The following VWA8 variants were observed in gnomAD, a reference collection of about 807,000 sequenced individuals.
The protein encoded by VWA8 is von Willebrand factor A domain-containing protein 8.
In VWA8, 221 loss-of-function variants were observed where a neutral mutation model predicts 241.5. The observed-to-expected ratio is 0.91, with a 90% CI of 0.82 to 1.02. The LOEUF (loss-of-function observed/expected upper bound fraction) is 1.02, where lower values mean the gene tolerates loss of function less well. VWA8 is among the 50% of genes least tolerant of loss of function. The pLI, the probability that VWA8 is intolerant of heterozygous loss-of-function variation, is 0.00. For synonymous variants in VWA8, 852 were observed against 827.1 expected, an observed-to-expected ratio of 1.03 and a Z score of -0.52; for missense variants, 2,322 against 2,328.7, an observed-to-expected ratio of 1.00 and a Z score of 0.06.
At chr13:41,688,651 T>G (rs911823251) in intron 34 of VWA8, among the ~76,000 whole-genome samples, 1 of 152,118 alleles carries the variant, frequency 6.6e-6, no homozygotes, top group African/African-American at 2.4e-5. Context: ...CAATGGAAAA[T>G]AAATCTATCT....
chr13:41,799,719 C>T (rs1466093141), intron 17 of VWA8, among the ~76,000 whole-genome samples: 2 of 152,124 alleles, frequency 1.3e-5, no homozygotes, highest in Non-Finnish European at 2.9e-5. Context: ...TATTATTCTC[C>T]TTATTCTGGT....
At chr13:41,747,551 C>G (rs1419015003) in intron 21 of VWA8, among the ~76,000 whole-genome samples, 1 of 152,160 alleles carries the variant, frequency 6.6e-6, no homozygotes, top group African/African-American at 2.4e-5. Flanking sequence ...CAAACAGGGA[C>G]AATTTGACTT....
At chr13:41,657,941 G>C (rs137864076) in intron 37 of VWA8, among the ~76,000 whole-genome samples, 43 of 152,318 alleles carry the variant, frequency 2.8e-4, no homozygotes, top group African/African-American at 1.0e-3. Context: ...AGAAAACCAG[G>C]AACACAGACA....
intron 17 of VWA8, among the ~76,000 whole-genome samples, chr13:41,808,404 T>C (rs143219073): frequency 1.3e-5 from 2 of 152,262 alleles, no homozygotes; most frequent in African/African-American, 4.8e-5. Context: ...CTTAAAATCA[T>C]GGCAGAAGGC....
At chr13:41,585,485 A>G (rs2044411263) in intron 42 of VWA8, among the ~76,000 whole-genome samples, 1 of 152,162 alleles carries the variant, frequency 6.6e-6, no homozygotes, top group African/African-American at 2.4e-5. Flanking sequence ...TAGAAATCCT[A>G]TTTCTAACAG....
intron 39 of VWA8, among the ~76,000 whole-genome samples, chr13:41,609,721 A>C (rs1450954884): frequency 6.6e-6 from 1 of 152,030 alleles, no homozygotes; most frequent in Non-Finnish European, 1.5e-5. Context: ...CAGGATCTCC[A>C]TGTGTTTCTA....
intron 38 of VWA8, among the ~76,000 whole-genome samples, chr13:41,612,853 G>A (rs1051926307): frequency 2.0e-5 from 3 of 152,098 alleles, no homozygotes; most frequent in Admixed American, 6.5e-5. Flanking sequence ...TTATCTTTGG[G>A]GAACTACTTA....
chr13:41,940,807 C>T (rs1877562312), intron 2 of VWA8, among the ~76,000 whole-genome samples: 1 of 152,114 alleles, frequency 6.6e-6, no homozygotes, highest in Non-Finnish European at 1.5e-5. Context: ...CAACAATTTA[C>T]TACTGGATAA....
At position 41,691,889 on chromosome 13, in the gene VWA8, A is replaced by G; in HGVS notation, c.3725T>C (p.Phe1242Ser). The change falls in exon 31 of 45, where the codon TTC (phenylalanine) becomes TCC (serine). Residue 1242 changes from phenylalanine to serine, a missense_variant. Transcript: ENST00000379310. ...AAGAGCTCACCCTTTTTCTTTGTAG[A>G]ACACCAGCCAGTTTTTGTGTGAAAA... ...KEFSHKNWLV[F>S]YKEKGNSLTV... 1.2e-6 allele frequency: 2 copies of G among 1,610,676 alleles called. No individual in the cohort carries two copies. Among genetic ancestry groups the G allele is most frequent in the Non-Finnish European group, 1.7e-6 (2 of 1,177,504 alleles).
intron 21 of VWA8, among the ~76,000 whole-genome samples, chr13:41,732,968 T>C (rs1007162207): frequency 1.3e-5 from 2 of 152,198 alleles, no homozygotes; most frequent in Middle Eastern, 3.2e-3. Flanking sequence ...TTATTTCCCA[T>C]AGAGAATTAG....
chr13:41,841,179 G>A (rs955450364), intron 12 of VWA8, among the ~76,000 whole-genome samples: 3 of 152,118 alleles, frequency 2.0e-5, no homozygotes, highest in African/African-American at 4.8e-5. Context: ...ATTCCCATAA[G>A]GAAAGAGCTG....
intron 37 of VWA8, among the ~76,000 whole-genome samples, chr13:41,665,942 T>A (rs2044983017): frequency 1.3e-5 from 2 of 152,112 alleles, no homozygotes; most frequent in South Asian, 4.1e-4. Flanking sequence ...CATTCTATAA[T>A]TTTCATAATT....
chr13:41,646,177 G>C lies in VWA8; in HGVS notation c.4611+24769C>G, dbSNP rs2044830973. ...GAAGGGGTTTCCCCATGTTGGTCAG[G>C]CTGGTCTAGAACTCCTGACCTCAAG... On this transcript the variant is annotated intron_variant, in intron 37 of 44. Coordinates refer to ENST00000379310, the MANE Select transcript of VWA8 (RefSeq NM_015058.2). Among the ~76,000 whole-genome samples the C allele has an allele frequency of 2.0e-5, 3 of 151,972 alleles. No individual in the cohort carries two copies. In the South Asian group the frequency reaches 6.2e-4, roughly 32 times the overall value.
chr13:41,816,698 C>G lies in VWA8; in HGVS notation c.1947G>C (p.Thr649=). The G allele has an allele frequency of 1.9e-6, 3 of 1,612,632 alleles. No homozygotes were observed. The highest frequency in any genetic ancestry group is 2.5e-6 in the Non-Finnish European group (3 of 1,179,220). Residue 649 remains threonine, a splice_region_variant and synonymous_variant, in exon 16 of 45, where the codon ACG becomes ACC. Transcript: ENST00000379310. ...THKLRETQDP[T]AQSLAASLST... is the part of the protein sequence containing the mutation. Reference sequence around the variant, plus strand: ...TCCTGTGGAAAAAGCCTAGACTTACCGTTGGATCCTGTGTTTCTCTGAGTT... The same window carrying G: ...TCCTGTGGAAAAAGCCTAGACTTACGGTTGGATCCTGTGTTTCTCTGAGTT...
chr13:41,592,926 TAAGA>T (rs2044465883), intron 40 of VWA8, among the ~76,000 whole-genome samples: 1 of 152,214 alleles, frequency 6.6e-6, no homozygotes, highest in Non-Finnish European at 1.5e-5. Context: ...TGGCATCAGC[TAAGA>T]AAGAGCCTGG....
intron 14 of VWA8, among the ~76,000 whole-genome samples, chr13:41,823,409 T>C (rs1015517102): frequency 7.9e-5 from 12 of 152,292 alleles, no homozygotes; most frequent in Middle Eastern, 3.4e-3. Flanking sequence ...AGGCCACTAA[T>C]CTTTATTGTT....
chr13:41,577,655 G>A (rs908969537), intron 42 of VWA8, among the ~76,000 whole-genome samples: 7 of 152,230 alleles, frequency 4.6e-5, no homozygotes, highest in African/African-American at 1.7e-4. Context: ...GTTCTCCTGA[G>A]AAAGTGCCAG....
At chr13:41,821,989 G>T (rs1870978376) in intron 14 of VWA8, among the ~76,000 whole-genome samples, 1 of 152,076 alleles carries the variant, frequency 6.6e-6, no homozygotes, top group Admixed American at 6.6e-5. Flanking sequence ...CAGAGCCCTG[G>T]GGATGAGAGA....
intron 1 of VWA8, among the ~76,000 whole-genome samples, chr13:41,950,536 C>T (rs946117451): frequency 1.3e-5 from 2 of 149,614 alleles, no homozygotes; most frequent in African/African-American, 4.9e-5. Context: ...GCCCAGCTAG[C>T]TTTTTGTATT....
Sources: gnomAD v4.1 joint callset for allele counts (sites outside exome capture counted in the v4.1 genomes callset) on GRCh38, gnomAD v4.1.1 for gene constraint, MANE v1.5 for transcripts, NCBI Gene and HGNC (gene_info 2026-07-23, HGNC 2026-07-21) for gene names.